DOCK1: variants seen among roughly 807,000 people sequenced by gnomAD.
DOCK1 encodes the protein dedicator of cytokinesis 1.
Under a neutral mutation model 262.7 loss-of-function variants are expected in DOCK1, and 138 were observed. That is an observed-to-expected ratio of 0.53 (90% CI 0.46 to 0.61). The LOEUF (loss-of-function observed/expected upper bound fraction) is 0.61, where lower values mean the gene tolerates loss of function less well. Ranked by LOEUF, DOCK1 falls within the 20% of genes least tolerant of loss-of-function variation. The pLI is 0.00. For synonymous variants in DOCK1, 866 were observed against 867.4 expected, an observed-to-expected ratio of 1.00 and a Z score of 0.03; for missense variants, 1,908 against 2,370.7, an observed-to-expected ratio of 0.80 and a Z score of 4.05.
chr10:127,211,777 G>C (rs1833812653), intron 27 of DOCK1, among the ~76,000 whole-genome samples: 1 of 152,184 alleles, frequency 6.6e-6, no homozygotes, highest in Admixed American at 6.5e-5. Flanking sequence ...CCACCCCCAG[G>C]ATGGGAGCCC....
At chr10:127,418,614 C>A in intron 45 of DOCK1, 73 bp downstream of exon 45, 3 of 1,511,708 alleles carry the variant, frequency 2.0e-6, no homozygotes, top group Non-Finnish European at 1.8e-6. Context: ...CGAGAGTCCC[C>A]AAAGCCCAGA....
chr10:127,176,338 G>A lies in DOCK1; in HGVS notation c.2847+48574G>A, dbSNP rs529298057. 1.2e-6 allele frequency: 2 copies of A among 1,613,848 alleles called. No individual in the cohort carries two copies. Among genetic ancestry groups the A allele is most frequent in the Non-Finnish European group, 1.7e-6 (2 of 1,179,980 alleles). On this transcript the variant is annotated intron_variant, in intron 27 of 51. Coordinates refer to ENST00000623213, the MANE Select transcript of DOCK1 (RefSeq NM_001290223.2). The surrounding 1 kb of genome is among the most constrained non-coding windows in gnomAD (Gnocchi z 4.4). ...ATCTCCAGGGCCAGGCAGGCGGCGGGTTCCACTTCACTCTCCGACGTTGTG... is the reference window on the plus strand; with the variant it reads ...ATCTCCAGGGCCAGGCAGGCGGCGGATTCCACTTCACTCTCCGACGTTGTG...
At chr10:127,332,648 C>T (rs6482808) in intron 29 of DOCK1, among the ~76,000 whole-genome samples, 4 of 152,276 alleles carry the variant, frequency 2.6e-5, no homozygotes, top group Non-Finnish European at 5.9e-5. Context: ...CCCAAAGACA[C>T]GAGGCAGATC....
chr10:126,955,727 A>C (rs1234858912), intron 1 of DOCK1, among the ~76,000 whole-genome samples: 2 of 151,968 alleles, frequency 1.3e-5, no homozygotes, highest in African/African-American at 2.4e-5. Flanking sequence ...CCTTACCTAG[A>C]ATCTGTATTC....
chr10:126,955,244 G>A (rs1006194436), intron 1 of DOCK1, among the ~76,000 whole-genome samples: 1 of 152,136 alleles, frequency 6.6e-6, no homozygotes, highest in Admixed American at 6.5e-5. Context: ...TTGTGCCTCA[G>A]CCTCCCAAGT....
chr10:127,355,910 G>A (rs142648516), intron 32 of DOCK1, among the ~76,000 whole-genome samples: 227 of 152,328 alleles, frequency 1.5e-3, no homozygotes, highest in Non-Finnish European at 2.6e-3. Flanking sequence ...GGCCCAGTTA[G>A]GTTCTCAGGA....
At chr10:126,934,733 T>C (rs929389664) in intron 1 of DOCK1, among the ~76,000 whole-genome samples, 12,188 of 150,902 alleles carry the variant, frequency 0.081, 589 homozygotes, top group African/African-American at 0.12. Context: ...TCACAGCCTA[T>C]TTGGAATTTA....
intron 29 of DOCK1, among the ~76,000 whole-genome samples, chr10:127,264,390 A>G (rs1393713793): frequency 6.6e-6 from 1 of 152,188 alleles, no homozygotes; most frequent in African/African-American, 2.4e-5. Flanking sequence ...TTTTCAGGCT[A>G]GGCTGGGACC....
At chr10:126,996,610 T>G in intron 6 of DOCK1, 138 bp from the exon 7 acceptor site, 2 of 760,020 alleles carry the variant, frequency 2.6e-6, no homozygotes, top group Non-Finnish European at 3.8e-6. Context: ...CTCCAAGAAT[T>G]TTATATTCCT....
intron 29 of DOCK1, among the ~76,000 whole-genome samples, chr10:127,261,095 G>GTGTGTACCTGCATGTGTGTGCA (rs2060055145): frequency 3.2e-5 from 4 of 124,622 alleles, no homozygotes; most frequent in Non-Finnish European, 7.2e-5. Flanking sequence ...GCTCATCTGT[G>GTGTGTACCTGCATGTGTGTGCA]TGTGTACCTG....
At chr10:127,345,082 C>T (rs1407871696) in intron 31 of DOCK1, among the ~76,000 whole-genome samples, 2 of 152,066 alleles carry the variant, frequency 1.3e-5, no homozygotes, top group African/African-American at 4.8e-5. Flanking sequence ...ACCGTATGGC[C>T]GATGTGTGTA....
intron 49 of DOCK1, among the ~76,000 whole-genome samples, chr10:127,442,961 G>T (rs982660203): frequency 6.6e-6 from 1 of 152,224 alleles, no homozygotes; most frequent in Non-Finnish European, 1.5e-5. Context: ...TGTGGGGGAG[G>T]TCTGCTGTAA....
chr10:127,018,910 C>T (rs1418873173), intron 13 of DOCK1, 75 bp downstream of exon 13: 2 of 1,582,552 alleles, frequency 1.3e-6, no homozygotes, highest in African/African-American at 2.7e-5. Context: ...GTGTGGGCAG[C>T]ATCATGTATG....
At chr10:127,145,669 G>A (rs2051744542) in intron 27 of DOCK1, among the ~76,000 whole-genome samples, 1 of 152,086 alleles carries the variant, frequency 6.6e-6, no homozygotes, top group Admixed American at 6.5e-5. Flanking sequence ...TAGAGACATG[G>A]GTGACGTCCC....
intron 30 of DOCK1, among the ~76,000 whole-genome samples, chr10:127,339,434 A>C (rs996788072): frequency 3.3e-5 from 5 of 152,050 alleles, no homozygotes; most frequent in African/African-American, 1.2e-4. Flanking sequence ...TCAGCAGAGG[A>C]GGAGACCCAG....
chr10:127,220,972 G>A (rs2058413874), intron 27 of DOCK1, among the ~76,000 whole-genome samples: 1 of 152,188 alleles, frequency 6.6e-6, no homozygotes, highest in African/African-American at 2.4e-5. Context: ...AGGTTTTATG[G>A]GGATAACTGT....
In DOCK1 at chr10:127,249,462, C is replaced by T. The variant is rs868642767; in HGVS notation, c.2949+1353C>T. 3.4e-5 allele frequency among the ~76,000 whole-genome samples: 5 copies of T among 146,156 alleles called. 1 individual carries two copies. Among genetic ancestry groups the T allele is most frequent in the East Asian group, 2.0e-4 (1 of 5,060 alleles). On this transcript the variant is annotated intron_variant, in intron 28 of 51. Transcript: ENST00000623213. ...ACACACACACACACACACACACACA[C>T]GCAGTCGTGTGTTGCTTAACAATTC... is the stretch of plus-strand genomic sequence containing the variant.
chr10:126,999,479 A>G, intron 9 of DOCK1, 44 bp downstream of exon 9: 2 of 1,552,666 alleles, frequency 1.3e-6, no homozygotes, highest in South Asian at 1.1e-5. Context: ...CTACCATTCT[A>G]AGGACTACTT....
At chr10:126,951,440 G>T (rs1299373348) in intron 1 of DOCK1, among the ~76,000 whole-genome samples, 2 of 151,648 alleles carry the variant, frequency 1.3e-5, no homozygotes, top group Non-Finnish European at 2.9e-5. Flanking sequence ...AGTATTGTTG[G>T]TAGTGTTGGT....
Sources: gnomAD v4.1 joint callset for allele counts (sites outside exome capture counted in the v4.1 genomes callset) on GRCh38, gnomAD v4.1.1 for gene constraint, Gnocchi (gnomAD v3.1) non-coding constraint, MANE v1.5 for transcripts, NCBI Gene and HGNC (gene_info 2026-07-23, HGNC 2026-07-21) for gene names.